The following ZNF362 variants were observed in gnomAD, a reference collection of about 807,000 sequenced individuals.
ZNF362 encodes the protein rotund homolog.
In ZNF362, 11 loss-of-function variants were observed where a neutral mutation model predicts 42.9. The ratio of observed to expected loss-of-function variants is 0.26; its 90% CI spans 0.16 to 0.42. ZNF362 has a LOEUF of 0.42. Among genes scored for constraint, ZNF362 ranks in the 20% least tolerant of loss-of-function variants. ZNF362 has a pLI of 1.00. For missense variants in ZNF362, 362 were observed against 576.2 expected (o/e 0.63, Z 3.81); for synonymous variants, 255 against 257.3 (o/e 0.99, Z 0.09).
chr1:33,177,066 TGCACACACACAC>T, the ZNF362 span, among the ~76,000 whole-genome samples: 4 of 62,900 alleles, frequency 6.4e-5, no homozygotes, highest in African/African-American at 2.2e-4. This position sits in a 1 kb window ranked among gnomAD's most constrained non-coding sequence, Gnocchi z 4.1. Context: ...CACACACACA[TGCACACACACAC>T]ATGCATGCAC....
At chr1:33,240,117 G>C in the ZNF362 span, among the ~76,000 whole-genome samples, 3 of 152,192 alleles carry the variant, frequency 2.0e-5, no homozygotes, top group Non-Finnish European at 4.4e-5. Flanking sequence ...TGTGGTCTTA[G>C]AGTATCTCCT....
At position 33,276,549 on chromosome 1, in the gene ZNF362, C is replaced by A; in HGVS notation, c.304C>A (p.Pro102Thr). ...PGLHPQAVPQ[P>T]DVALHARPAT... ...GCTGCATCCACAGGCGGTGCCGCAG[C>A]CCGACGTGGCGCTGCACGCACGGCC... The change falls in exon 4 of 9, where the codon CCC becomes ACC. Residue 102 changes from proline (P) to threonine (T), a missense_variant. Pro to Thr is a conservative substitution (Grantham distance 38). Coordinates refer to ENST00000539719, the MANE Select transcript of ZNF362 (RefSeq NM_152493.3). The A allele has an allele frequency of 6.7e-7, 1 of 1,483,286 alleles. No homozygotes were observed. The allele number at this position is 1,483,286 out of a possible 1,614,324, so 91.9% of individuals were successfully genotyped here. A position where few individuals can be genotyped will look rare whatever the true frequency, so the allele number is the denominator to read the frequency against.
chr1:33,204,009 G>A, the ZNF362 span, among the ~76,000 whole-genome samples: 3 of 152,130 alleles, frequency 2.0e-5, 1 homozygote, highest in African/African-American at 7.2e-5. Context: ...TGCTTTTATA[G>A]CCTGAGCTTT....
chr1:33,267,420 C>T (rs968357344), intron 1 of ZNF362, among the ~76,000 whole-genome samples: 6 of 152,174 alleles, frequency 3.9e-5, no homozygotes, highest in African/African-American at 1.4e-4. Context: ...ATATAGATGT[C>T]CTTGCTCCAT....
At chr1:33,218,955 ACACACAC>A in the ZNF362 span, among the ~76,000 whole-genome samples, 1 of 149,352 alleles carries the variant, frequency 6.7e-6, no homozygotes, top group African/African-American at 2.4e-5. Context: ...ACACACACAC[ACACACAC>A]ACACACACAC....
At chr1:33,217,979 G>C in the ZNF362 span, among the ~76,000 whole-genome samples, 1 of 152,096 alleles carries the variant, frequency 6.6e-6, no homozygotes, top group Admixed American at 6.6e-5. Flanking sequence ...ATGTATAAAC[G>C]TGATCAGCAT....
At chr1:33,263,795 C>T (rs112146949) in intron 1 of ZNF362, among the ~76,000 whole-genome samples, 2 of 152,240 alleles carry the variant, frequency 1.3e-5, no homozygotes, top group African/African-American at 4.8e-5. Context: ...GGCAGAGACC[C>T]GGAGGTGAGA....
the ZNF362 span, among the ~76,000 whole-genome samples, chr1:33,129,952 C>T: frequency 6.6e-6 from 1 of 152,194 alleles, no homozygotes; most frequent in East Asian, 1.9e-4. The surrounding 1 kb of genome is among the most constrained non-coding windows in gnomAD (Gnocchi z 4.1). Context: ...CTCTGCCTCC[C>T]GGGTTCAAGC....
At chr1:33,238,260 A>C in the ZNF362 span, among the ~76,000 whole-genome samples, 1 of 151,822 alleles carries the variant, frequency 6.6e-6, no homozygotes, top group African/African-American at 2.4e-5. Flanking sequence ...CAGAGGTTGC[A>C]GTGAGCTGAG....
the ZNF362 span, chr1:33,146,260 G>GAGAT: frequency 4.9e-6 from 1 of 205,826 alleles, no homozygotes; most frequent in East Asian, 1.4e-4. Context: ...GATCCTAACT[G>GAGAT]AGATAGATGC....
the ZNF362 span, chr1:33,181,254 G>T: frequency 1.3e-6 from 2 of 1,549,454 alleles, no homozygotes; most frequent in South Asian, 1.2e-5. This position sits in a 1 kb window ranked among gnomAD's most constrained non-coding sequence, Gnocchi z 6.5. Context: ...CGCCAGCGCG[G>T]GCTCGGCGAA....
chr1:33,136,108 G>T, the ZNF362 span, among the ~76,000 whole-genome samples: 276 of 144,954 alleles, frequency 1.9e-3, no homozygotes, highest in African/African-American at 7.0e-3. Context: ...CAGCCCAGGG[G>T]CCAGCCCTTC....
At chr1:33,259,276 GATGGTGTC>G (rs1434098038) in intron 1 of ZNF362, among the ~76,000 whole-genome samples, 1 of 152,206 alleles carries the variant, frequency 6.6e-6, no homozygotes, top group Non-Finnish European at 1.5e-5. Context: ...TGGTGCTGGT[GATGGTGTC>G]ATGGAATAAC....
chr1:33,289,275 T>C (rs1490402200), intron 6 of ZNF362, among the ~76,000 whole-genome samples: 1 of 152,092 alleles, frequency 6.6e-6, no homozygotes, highest in Non-Finnish European at 1.5e-5. Context: ...AGGAGCGCAG[T>C]GGCAGAGGAG....
chr1:33,223,674 C>G, the ZNF362 span, among the ~76,000 whole-genome samples: 1 of 152,156 alleles, frequency 6.6e-6, no homozygotes, highest in African/African-American at 2.4e-5. Flanking sequence ...GGGTGAATCA[C>G]CTGCGGTCAG....
intron 6 of ZNF362, among the ~76,000 whole-genome samples, chr1:33,289,583 GGTCA>G: frequency 6.6e-6 from 1 of 152,244 alleles, no homozygotes; most frequent in Non-Finnish European, 1.5e-5. Flanking sequence ...GAGGACTGTC[GGTCA>G]GTCAGTGAGC....
intron 6 of ZNF362, among the ~76,000 whole-genome samples, chr1:33,293,306 CATT>C (rs1646093161): frequency 6.6e-6 from 1 of 152,114 alleles, no homozygotes; most frequent in African/African-American, 2.4e-5. Context: ...AGGGAAGAAT[CATT>C]ATCTGACCAG....
the ZNF362 span, among the ~76,000 whole-genome samples, chr1:33,237,813 G>C: frequency 6.6e-6 from 1 of 152,262 alleles, no homozygotes; most frequent in East Asian, 1.9e-4. Flanking sequence ...TCTTTACTCC[G>C]TCAGCTGCTG....
chr1:33,257,711 C>T (rs1257902988), intron 1 of ZNF362, among the ~76,000 whole-genome samples: 1 of 152,102 alleles, frequency 6.6e-6, no homozygotes, highest in Non-Finnish European at 1.5e-5. Context: ...AGAATGGGTC[C>T]AGGATTTCCA....
Sources: gnomAD v4.1 joint callset for allele counts (sites outside exome capture counted in the v4.1 genomes callset) on GRCh38, gnomAD v4.1.1 for gene constraint, Gnocchi (gnomAD v3.1) non-coding constraint, MANE v1.5 for transcripts, NCBI Gene and HGNC (gene_info 2026-07-23, HGNC 2026-07-21) for gene names.